The following SUSD4 variants were observed in gnomAD, a reference collection of about 807,000 sequenced individuals.
SUSD4 encodes sushi domain containing 4.
A neutral mutation model predicts 50.5 loss-of-function variants in SUSD4; 41 were observed. That is an observed-to-expected ratio of 0.81 (90% CI 0.63 to 1.05). SUSD4 has a LOEUF of 1.05. Ranked by LOEUF, SUSD4 falls within the 50% of genes least tolerant of loss-of-function variation. SUSD4 has a pLI of 0.00. For missense variants in SUSD4, 580 were observed against 634.7 expected (o/e 0.91, Z 0.93); for synonymous variants, 257 against 257.3 (o/e 1.00, Z 0.01).
intron 2 of SUSD4, among the ~76,000 whole-genome samples, chr1:223,329,775 T>C (rs184206229): frequency 3.3e-5 from 5 of 151,988 alleles, no homozygotes; most frequent in East Asian, 1.9e-4. Flanking sequence ...AACAGAAGGA[T>C]GGATGGATGA....
At chr1:223,289,239 A>T (rs1286220721) in intron 3 of SUSD4, 58 of 985,312 alleles carry the variant, frequency 5.9e-5, no homozygotes, top group Non-Finnish European at 6.9e-5. Flanking sequence ...ATTTTCACCC[A>T]TGCTTGGGGT....
Position 223,309,129 on chromosome 1 carries a change from T to C in SUSD4, c.149-16478A>G, listed in dbSNP as rs1022454190. The stretch of plus-strand genomic sequence containing the variant: ...AACCATCTCTTAACAGGGTAAGACA[T>C]AGAACAAAAACAAAAACACCTTGCT... On this transcript the variant is annotated intron_variant, in intron 2 of 8. Transcript: ENST00000366878. 1.3e-5 allele frequency among the ~76,000 whole-genome samples: 2 copies of C among 152,078 alleles called. 1 individual carries two copies. Among genetic ancestry groups the C allele is most frequent in the African/African-American group, 4.8e-5 (2 of 41,410 alleles).
intron 2 of SUSD4, among the ~76,000 whole-genome samples, chr1:223,313,944 C>T (rs1314828313): frequency 6.6e-6 from 1 of 152,166 alleles, no homozygotes; most frequent in African/African-American, 2.4e-5. Context: ...CCCACCCCTT[C>T]CCGGGAAAAC....
At chr1:223,333,571 T>C (rs1425571924) in intron 2 of SUSD4, among the ~76,000 whole-genome samples, 1 of 152,146 alleles carries the variant, frequency 6.6e-6, no homozygotes, top group Admixed American at 6.5e-5. Flanking sequence ...GAAGTGACAA[T>C]GCAAAAGACG....
Position 223,238,949 on chromosome 1 carries a change from T to C in SUSD4, c.725-9561A>G, listed in dbSNP as rs548340942. On this transcript the variant is annotated intron_variant, in intron 5 of 8. Transcript: ENST00000366878. ...AAGGTGTGTTAATCTCTATCTATAATAGTGGATTTATCTATTTCTCCCTGC... is the reference window on the plus strand; with the variant it reads ...AAGGTGTGTTAATCTCTATCTATAACAGTGGATTTATCTATTTCTCCCTGC... 1.1e-3 allele frequency among the ~76,000 whole-genome samples: 173 copies of C among 152,150 alleles called. 1 individual carries two copies. Among genetic ancestry groups the C allele is most frequent in the African/African-American group, 3.9e-3 (161 of 41,576 alleles).
intron 2 of SUSD4, among the ~76,000 whole-genome samples, chr1:223,336,967 A>C (rs1405672283): frequency 1.3e-5 from 2 of 152,184 alleles, no homozygotes; most frequent in Non-Finnish European, 2.9e-5. Context: ...AAGATGGTGG[A>C]AAAGGACACC....
At chr1:223,330,037 G>C (rs548360873) in intron 2 of SUSD4, among the ~76,000 whole-genome samples, 1 of 152,328 alleles carries the variant, frequency 6.6e-6, no homozygotes, top group East Asian at 1.9e-4. Context: ...AGTATAGATG[G>C]ATGGATAATA....
At position 223,310,984 on chromosome 1, in the gene SUSD4, G is replaced by A. The variant is rs79726742; in HGVS notation, c.149-18333C>T. On this transcript the variant is annotated intron_variant, in intron 2 of 8. Coordinates refer to ENST00000366878, the MANE Select transcript of SUSD4 (RefSeq NM_017982.4). ...ATCATCTCCCTGCCTGAGAAGTGGCGTTCACTCTGAGATGCCCAAGACTCT... is the reference window on the plus strand; with the variant it reads ...ATCATCTCCCTGCCTGAGAAGTGGCATTCACTCTGAGATGCCCAAGACTCT... Among the ~76,000 whole-genome samples the A allele has an allele frequency of 2.9e-3, 445 of 152,306 alleles. 6 individuals carry two copies. The East Asian group carries it at 0.033, about 11-fold the overall frequency.
At chr1:223,245,519 C>T (rs1317448646) in intron 5 of SUSD4, among the ~76,000 whole-genome samples, 2 of 152,070 alleles carry the variant, frequency 1.3e-5, no homozygotes, top group Non-Finnish European at 2.9e-5. Context: ...CAGAGGGCTA[C>T]ACAGCACGAG....
chr1:223,268,293 C>T (rs570325796), intron 4 of SUSD4, among the ~76,000 whole-genome samples: 1 of 152,078 alleles, frequency 6.6e-6, no homozygotes, highest in African/African-American at 2.4e-5. Flanking sequence ...GTGTATGGAG[C>T]TGAGCAAGCT....
chr1:223,246,238 G>C (rs1054535047), intron 5 of SUSD4, among the ~76,000 whole-genome samples: 1 of 152,108 alleles, frequency 6.6e-6, no homozygotes, highest in African/African-American at 2.4e-5. Flanking sequence ...AAGGAAGAGG[G>C]AGCAGCTCCT....
intron 5 of SUSD4, among the ~76,000 whole-genome samples, chr1:223,240,648 T>G (rs1297002415): frequency 1.3e-5 from 2 of 152,212 alleles, no homozygotes; most frequent in Non-Finnish European, 2.9e-5. Context: ...TTTTGGCTCT[T>G]TCTTAGGATT....
intron 4 of SUSD4, among the ~76,000 whole-genome samples, chr1:223,268,183 C>T (rs1662654963): frequency 1.3e-5 from 2 of 151,750 alleles, no homozygotes; most frequent in African/African-American, 4.9e-5. Flanking sequence ...AGCTCAGTTA[C>T]AAGTCTCCTG....
At chr1:223,223,157 G>A (rs779413214) in intron 8 of SUSD4, 92 bp downstream of exon 8, 5 of 1,476,230 alleles carry the variant, frequency 3.4e-6, no homozygotes, top group South Asian at 2.8e-5. Context: ...CTCTGTGCTG[G>A]GGGGTGGAGC....
intron 2 of SUSD4, among the ~76,000 whole-genome samples, chr1:223,361,978 G>T (rs1032946502): frequency 6.6e-6 from 1 of 152,132 alleles, no homozygotes; most frequent in Admixed American, 6.5e-5. Flanking sequence ...TCCATGAAGA[G>T]GAAGCTTGCC....
Position 223,314,673 on chromosome 1 carries a change from C to T in SUSD4, c.149-22022G>A, listed in dbSNP as rs1002398660. On this transcript the variant is annotated intron_variant, in intron 2 of 8. Coordinates refer to ENST00000366878, the MANE Select transcript of SUSD4 (RefSeq NM_017982.4). ...TCATCATAGTGAATAAGAGATCTCACGAGATCTGATGGTTTATAAGGGGAG... is the reference window on the plus strand; with the variant it reads ...TCATCATAGTGAATAAGAGATCTCATGAGATCTGATGGTTTATAAGGGGAG... 5.9e-5 allele frequency among the ~76,000 whole-genome samples: 9 copies of T among 152,104 alleles called. 1 individual carries two copies. The highest frequency in any genetic ancestry group is 7.2e-5 in the African/African-American group (3 of 41,434).
intron 2 of SUSD4, among the ~76,000 whole-genome samples, chr1:223,316,818 C>T (rs983092074): frequency 6.6e-6 from 1 of 152,140 alleles, no homozygotes; most frequent in African/African-American, 2.4e-5. Context: ...GCCCCCTCCG[C>T]CTCCCTGCAC....
chr1:223,260,705 C>T (rs1353716192), intron 5 of SUSD4, among the ~76,000 whole-genome samples: 1 of 152,214 alleles, frequency 6.6e-6, no homozygotes, highest in African/African-American at 2.4e-5. Context: ...TATCTGACAA[C>T]ACAGCTATGG....
chr1:223,263,468 G>T (rs1662263159), intron 5 of SUSD4: 12 of 815,082 alleles, frequency 1.5e-5, no homozygotes, highest in Non-Finnish European at 1.8e-5. Context: ...TGTGTATCCT[G>T]TATTTTATCT....
Sources: allele counts gnomAD v4.1 joint callset (sites outside exome capture counted in the v4.1 genomes callset), GRCh38; gene constraint gnomAD v4.1.1; transcripts MANE v1.5; gene names NCBI Gene and HGNC (gene_info 2026-07-23, HGNC 2026-07-21).